CACNA1C: variants seen among roughly 807,000 people sequenced by gnomAD.
The protein encoded by CACNA1C is calcium voltage-gated channel subunit alpha1 C, also known as voltage-dependent L-type calcium channel subunit alpha-1C.
In CACNA1C, 30 loss-of-function variants were observed where a neutral mutation model predicts 229.0. The ratio of observed to expected loss-of-function variants is 0.13; its 90% CI spans 0.10 to 0.18. CACNA1C has a LOEUF of 0.18. Among genes scored for constraint, CACNA1C ranks in the 10% least tolerant of loss-of-function variants. CACNA1C has a pLI of 1.00. For missense variants in CACNA1C, 1,658 were observed against 2,845.0 expected, an observed-to-expected ratio of 0.58 and a Z score of 9.49; for synonymous variants, 1,114 against 1,132.5, an observed-to-expected ratio of 0.98 and a Z score of 0.33.
chr12:2,234,047 C>T (rs1259094326), intron 3 of CACNA1C, among the ~76,000 whole-genome samples: 1 of 152,182 alleles, frequency 6.6e-6, no homozygotes, highest in Non-Finnish European at 1.5e-5. Context: ...TGTTTATTAG[C>T]ATTTCCTTTA....
chr12:2,108,335 G>A lies in CACNA1C; in HGVS notation c.50-6889G>A, dbSNP rs1010157221. On this transcript the variant is annotated intron_variant, in intron 1 of 46. Coordinates refer to ENST00000399655, the MANE Select transcript of CACNA1C (RefSeq NM_000719.7). This position sits in a 1 kb window ranked among gnomAD's most constrained non-coding sequence, Gnocchi z 5.3. ...AGGCCCCCCGAGGGAACTGCGGTTC[G>A]GGTACAATTATGAGGCTGGGGGACC... Among the ~76,000 whole-genome samples the A allele has an allele frequency of 2.0e-5, 3 of 152,186 alleles. No individual in the cohort carries two copies. Among genetic ancestry groups the A allele is most frequent in the Admixed American group, 1.3e-4 (2 of 15,280 alleles).
At chr12:2,603,135 C>T (rs2073592504) in intron 22 of CACNA1C, among the ~76,000 whole-genome samples, 1 of 152,154 alleles carries the variant, frequency 6.6e-6, no homozygotes, top group African/African-American at 2.4e-5. Context: ...GCCTGGGAGC[C>T]TACAAGTCCA....
intron 3 of CACNA1C, among the ~76,000 whole-genome samples, chr12:2,194,443 A>G (rs1259084205): frequency 1.4e-5 from 2 of 140,466 alleles, no homozygotes; most frequent in African/African-American, 5.3e-5. Context: ...GCCATATTAC[A>G]TAGCTTACTC....
chr12:2,601,709 T>C lies in CACNA1C; in HGVS notation c.2854-145T>C, dbSNP rs560861481. 7.5e-6 allele frequency: 5 copies of C among 670,376 alleles called. No individual in the cohort carries two copies. Among genetic ancestry groups the C allele is most frequent in the African/African-American group, 3.5e-5 (2 of 56,536 alleles). 41.5% of individuals were successfully genotyped at this position (670,376 alleles called of 1,614,324 possible). A position where few individuals can be genotyped will look rare whatever the true frequency, so the allele number is the denominator to read the frequency against. ...TAGCAGAACTCTTTTCTTGGCACCA[T>C]AGCGCCGTCTTTGTCCTTCCTGTTC... On this transcript the variant is annotated intron_variant, in intron 21 of 46. Transcript: ENST00000399655. This position sits in a 1 kb window ranked among gnomAD's most constrained non-coding sequence, Gnocchi z 5.9.
chr12:2,053,380 A>G lies in CACNA1C; in HGVS notation c.-183A>G. ...GGAAAGGAGCAGTTTTTGGGGTTTG[A>G]TGCCATAATGGGAATCAGGTAATCG... On this transcript the variant is annotated 5_prime_UTR_variant, in exon 1 of 47. An upstream start codon of the reference 5' UTR is lost. Coordinates refer to ENST00000399655, the MANE Select transcript of CACNA1C (RefSeq NM_000719.7). This position sits in a 1 kb window ranked among gnomAD's most constrained non-coding sequence, Gnocchi z 5.8. 1 of 1,376,658 alleles carries G rather than the reference A, an allele frequency of 7.3e-7. No homozygotes were observed. Among genetic ancestry groups the G allele is most frequent in the Non-Finnish European group, 9.4e-7 (1 of 1,063,016 alleles). The allele number at this position is 1,376,658 out of a possible 1,614,324, so 85.3% of individuals were successfully genotyped here.
At chr12:2,089,948 G>C (rs2069775591) in intron 1 of CACNA1C, among the ~76,000 whole-genome samples, 1 of 152,152 alleles carries the variant, frequency 6.6e-6, no homozygotes, top group South Asian at 2.1e-4. Flanking sequence ...AGAATGGCGT[G>C]AACCCGGGAG....
At chr12:2,644,228 G>A (rs1292027314) in intron 30 of CACNA1C, among the ~76,000 whole-genome samples, 1 of 152,224 alleles carries the variant, frequency 6.6e-6, no homozygotes, top group Non-Finnish European at 1.5e-5. Context: ...GAATTGGGCA[G>A]CCGTTTTCTG....
chr12:1,996,288 T>G (rs2040771226), intron 1 of CACNA1C, among the ~76,000 whole-genome samples: 1 of 152,072 alleles, frequency 6.6e-6, no homozygotes, highest in Non-Finnish European at 1.5e-5. Flanking sequence ...GAAAATAATC[T>G]CAAAATCCAG....
intron 1 of CACNA1C, among the ~76,000 whole-genome samples, chr12:2,085,963 A>G (rs1647227376): frequency 6.6e-6 from 1 of 151,816 alleles, no homozygotes; most frequent in Non-Finnish European, 1.5e-5. Flanking sequence ...GATGCCTTTC[A>G]CTCCTTCTAG....
At chr12:2,075,067 C>T (rs1279860083) in intron 1 of CACNA1C, among the ~76,000 whole-genome samples, 1 of 152,220 alleles carries the variant, frequency 6.6e-6, no homozygotes, top group African/African-American at 2.4e-5. Context: ...GTGTGAGTGT[C>T]TTAATGCATT....
rs765514654 is a variant in CACNA1C at position 1,993,096 on chromosome 12, A to G, written c.139+21895A>G. On this transcript the variant is annotated intron_variant, in intron 1 of 46. Transcript: ENST00000682462. The stretch of plus-strand genomic sequence containing the variant: ...CTTAAACTCTTCCAAGGAAGAATCT[A>G]TTCCATCATTAGGGCATGCATTTCC... The G allele has an allele frequency of 5.2e-4, 456 of 869,524 alleles. 3 individuals carry two copies. The highest frequency in any genetic ancestry group is 2.4e-4 in the Admixed American group (14 of 57,750). The allele number at this position is 869,524 out of a possible 1,614,324, so 53.9% of individuals were successfully genotyped here.
At chr12:2,014,203 GT>G (rs1355891349) in intron 1 of CACNA1C, among the ~76,000 whole-genome samples, 1 of 151,980 alleles carries the variant, frequency 6.6e-6, no homozygotes, top group East Asian at 1.9e-4. Flanking sequence ...CCACTGTTTG[GT>G]TTTGTTCGCT....
At chr12:2,530,779 C>T (rs1468837055) in intron 9 of CACNA1C, among the ~76,000 whole-genome samples, 1 of 152,164 alleles carries the variant, frequency 6.6e-6, no homozygotes, top group Non-Finnish European at 1.5e-5. Context: ...ACCGTTAACA[C>T]GCAGTAGGAA....
intron 34 of CACNA1C, chr12:2,660,121 A>G (rs1000402278): frequency 6.6e-6 from 1 of 152,524 alleles, no homozygotes; most frequent in Non-Finnish European, 1.5e-5. Flanking sequence ...AGGTTTCCCT[A>G]TGAAGCAGTG....
rs377564785 is a variant in CACNA1C at position 2,496,428 on chromosome 12, A to G, written c.1113+3042A>G. Among the ~76,000 whole-genome samples the G allele has an allele frequency of 1.3e-3, 194 of 152,358 alleles. 4 individuals are homozygous for G. In the South Asian group the frequency reaches 0.033, roughly 26 times the overall value. ...GAAACCCCAGAGCTCCATTCATTCT[A>G]AATCACCAAACAGCTGGAAAAGAGT... On this transcript the variant is annotated intron_variant, in intron 7 of 46. Coordinates refer to ENST00000399655, the MANE Select transcript of CACNA1C (RefSeq NM_000719.7).
chr12:2,459,892 G>A (rs951988679), intron 5 of CACNA1C, among the ~76,000 whole-genome samples: 3 of 152,190 alleles, frequency 2.0e-5, no homozygotes, highest in South Asian at 2.1e-4. Context: ...GTATTAGGAC[G>A]TATCATAAAG....
chr12:2,650,512 GC>G (rs1467497028), intron 31 of CACNA1C, among the ~76,000 whole-genome samples: 2 of 152,170 alleles, frequency 1.3e-5, no homozygotes, highest in Non-Finnish European at 2.9e-5. Context: ...CTCTCCCGGT[GC>G]CCGCAGGTCT....
rs527900124 is a variant in CACNA1C at position 2,541,246 on chromosome 12, C to T, written c.1391-8697C>T. Among the ~76,000 whole-genome samples, 10 of 152,270 alleles carry T rather than the reference C, an allele frequency of 6.6e-5. No individual in the cohort carries two copies. In the South Asian group the frequency reaches 2.1e-3, roughly 32 times the overall value. ...TTCCGAGGGGATATAACTCAACTCA[C>T]AGCAGATAAGATGAAGCCAAATTAC... On this transcript the variant is annotated intron_variant, in intron 9 of 46. Transcript: ENST00000399655.
intron 3 of CACNA1C, among the ~76,000 whole-genome samples, chr12:2,273,801 C>T (rs956926464): frequency 6.6e-6 from 1 of 152,230 alleles, no homozygotes; most frequent in Non-Finnish European, 1.5e-5. Flanking sequence ...CTCTCCCTGA[C>T]CCCGGGCTTG....
Sources: allele counts gnomAD v4.1 joint callset (sites outside exome capture counted in the v4.1 genomes callset), GRCh38; gene constraint gnomAD v4.1.1; non-coding constraint Gnocchi (gnomAD v3.1); transcripts MANE v1.5; gene names NCBI Gene and HGNC (gene_info 2026-07-23, HGNC 2026-07-21).